The following LONRF3 variants were observed in gnomAD, a reference collection of about 807,000 sequenced individuals.
LONRF3 encodes LON peptidase N-terminal domain and RING finger protein 3.
LONRF3 carries 19 observed loss-of-function variants against 51.7 expected under a neutral mutation model. The observed-to-expected ratio is 0.37, with a 90% CI of 0.26 to 0.54. The LOEUF is 0.54. Ranked by LOEUF, LONRF3 falls within the 20% of genes least tolerant of loss-of-function variation. The pLI is 0.86. For synonymous variants in LONRF3, 265 were observed against 257.8 expected (o/e 1.03, Z -0.27); for missense variants, 521 against 623.9 (o/e 0.84, Z 1.76).
intron 2 of LONRF3, among the ~76,000 whole-genome samples, chrX:118,980,615 T>C (rs1395258524): frequency 1.8e-5 from 2 of 110,981 alleles, no homozygotes; most frequent in African/African-American, 6.6e-5. Flanking sequence ...TGGATTAGTA[T>C]GGTTTTTTTT....
In LONRF3 at chrX:118,979,428, G is replaced by C. The variant is rs937682710; in HGVS notation, c.936+965G>C. On this transcript the variant is annotated intron_variant, in intron 2 of 10. Coordinates refer to ENST00000371628, the MANE Select transcript of LONRF3 (RefSeq NM_001031855.3). The stretch of plus-strand genomic sequence containing the variant: ...CCCACCTTAGCCTCCCGAGTAGCTG[G>C]GATCACAGGCGTGTGCCACCATGCC... 2.7e-5 allele frequency among the ~76,000 whole-genome samples: 3 copies of C among 110,656 alleles called. No individual in the cohort carries two copies. The Admixed American group carries it at 2.9e-4, about 11-fold the overall frequency.
At chrX:119,013,312 C>T (rs554365013) in intron 9 of LONRF3, 111 bp downstream of exon 9, 2 of 774,420 alleles carry the variant, frequency 2.6e-6, no homozygotes, top group Admixed American at 3.7e-5. Context: ...TGGGATTTCA[C>T]ACCAAATTGC....
At position 118,975,406 on chromosome X, in the gene LONRF3, C is replaced by T; in HGVS notation, c.626C>T (p.Ala209Val). The T allele has an allele frequency of 1.7e-6, 2 of 1,199,013 alleles. No homozygotes were observed. Among genetic ancestry groups the T allele is most frequent in the Non-Finnish European group, 2.2e-6 (2 of 889,448 alleles). Residue 209 changes from alanine (A) to valine (V), a missense_variant, in exon 1 of 11, where the codon GCG becomes GTG. Ala to Val is a moderately conservative substitution (Grantham distance 64). Coordinates refer to ENST00000371628, the MANE Select transcript of LONRF3 (RefSeq NM_001031855.3). Reference sequence around the variant, plus strand: ...GCCTTGATGGTGGCCACTGGGCGGGCGCGTGGAGCCCGGCGGGCTGGGCAG... The same window carrying T: ...GCCTTGATGGTGGCCACTGGGCGGGTGCGTGGAGCCCGGCGGGCTGGGCAG... ...LSALMVATGR[A>V]RGARRAGQQP...
At chrX:118,996,485 A>G (rs1923873385) in intron 5 of LONRF3, among the ~76,000 whole-genome samples, 1 of 111,651 alleles carries the variant, frequency 9.0e-6, no homozygotes, top group Admixed American at 9.5e-5. Context: ...TACAAGATTA[A>G]TGTACACAAA....
intron 5 of LONRF3, among the ~76,000 whole-genome samples, chrX:119,004,481 A>G (rs1924567501): frequency 1.8e-5 from 2 of 112,644 alleles, no homozygotes; most frequent in Admixed American, 1.9e-4. Context: ...TTGCCTATGC[A>G]GAGATTAATG....
chrX:118,990,920 C>T (rs748492670), intron 5 of LONRF3, among the ~76,000 whole-genome samples: 124 of 110,868 alleles, frequency 1.1e-3, no homozygotes, highest in Non-Finnish European at 1.5e-3. Flanking sequence ...TGCAGTGGTG[C>T]GATTTCAGCT....
Position 118,975,339 on chromosome X carries a change from G to A in LONRF3, c.559G>A (p.Ala187Thr), listed in dbSNP as rs1398597078. 8.3e-7 allele frequency: 1 copy of A among 1,210,107 alleles called. No individual in the cohort carries two copies. Among genetic ancestry groups the A allele is most frequent in the East Asian group, 3.0e-5 (1 of 33,746 alleles). Residue 187 changes from alanine (A) to threonine (T), a missense_variant, in exon 1 of 11, where the codon GCC becomes ACC. Transcript: ENST00000371628. ...FCKLCLERGR[A>T]ADRRCALCGV... is the part of the protein sequence containing the mutation. ...TAAACTGTGCCTGGAACGTGGGCGG[G>A]CCGCCGACCGGCGCTGTGCGCTGTG... is the stretch of plus-strand genomic sequence containing the variant.
intron 3 of LONRF3, among the ~76,000 whole-genome samples, chrX:118,983,763 T>C (rs772853619): frequency 8.9e-6 from 1 of 111,840 alleles, no homozygotes; most frequent in South Asian, 3.8e-4. Flanking sequence ...TCTGTCCCAG[T>C]GTGGTTTGGC....
rs868036823 is a variant in LONRF3, at chrX:119,006,398, C to T, written c.1530+163C>T. On this transcript the variant is annotated intron_variant, in intron 6 of 10. Coordinates refer to ENST00000371628, the MANE Select transcript of LONRF3 (RefSeq NM_001031855.3). Reference sequence around the variant, plus strand: ...TCAAACCATCTATTTCTCCTGTCTTCTTTTTTTTTTTTTTTTTTTTTGACT... The same window carrying T: ...TCAAACCATCTATTTCTCCTGTCTTTTTTTTTTTTTTTTTTTTTTTTGACT... 5.4e-4 allele frequency among the ~76,000 whole-genome samples: 47 copies of T among 86,720 alleles called. 1 individual carries two copies. Among genetic ancestry groups the T allele is most frequent in the African/African-American group, 2.1e-3 (45 of 21,729 alleles). The allele number at this position is 86,720 out of a possible 115,157, so 75.3% of individuals were successfully genotyped here.
chrX:119,002,163 G>A (rs1924361409), intron 5 of LONRF3, among the ~76,000 whole-genome samples: 1 of 112,235 alleles, frequency 8.9e-6, no homozygotes. Context: ...TTGTAGAGAA[G>A]ATACTTATGT....
At position 118,989,114 on chromosome X, in the gene LONRF3, A is replaced by T. The variant is rs994858721; in HGVS notation, c.1060-294A>T. Among the ~76,000 whole-genome samples the T allele has an allele frequency of 6.3e-5, 7 of 111,030 alleles. No individual in the cohort carries two copies. The Middle Eastern group carries it at 0.014, about 219-fold the overall frequency. ...AGGGGAACTGGTGCCTATCCCTGGC[A>T]TTTCCCCTTTTTACACCTGCCCAAG... On this transcript the variant is annotated intron_variant, in intron 3 of 10. Coordinates refer to ENST00000371628, the MANE Select transcript of LONRF3 (RefSeq NM_001031855.3).
In LONRF3 at chrX:119,007,732, T is replaced by C. The variant is rs187652512; in HGVS notation, c.1531-1394T>C. On this transcript the variant is annotated intron_variant, in intron 6 of 10. Coordinates refer to ENST00000371628, the MANE Select transcript of LONRF3 (RefSeq NM_001031855.3). The stretch of plus-strand genomic sequence containing the variant: ...TCACTGGTAGCCCTGAGGGTATGCG[T>C]TGGGATTGGGAGGAGGGTCAATGTC... Among the ~76,000 whole-genome samples, 5 of 111,362 alleles carry C rather than the reference T, an allele frequency of 4.5e-5. No homozygotes were observed. In the East Asian group the frequency reaches 1.4e-3, roughly 31 times the overall value.
At position 119,017,691 on chromosome X, in the gene LONRF3, T is replaced by G; in HGVS notation, c.*1T>G. 8.5e-7 allele frequency: 1 copy of G among 1,182,040 alleles called. No homozygotes were observed. The highest frequency in any genetic ancestry group is 3.1e-5 in the East Asian group (1 of 32,335). On this transcript the variant is annotated 3_prime_UTR_variant, in exon 11 of 11. Transcript: ENST00000371628. Reference sequence around the variant, plus strand: ...CTTCATATCCCGAAACCAAAACTAGTGAGTGGATTGCCGAAGAGGAGCTCC... The same window carrying G: ...CTTCATATCCCGAAACCAAAACTAGGGAGTGGATTGCCGAAGAGGAGCTCC...
At position 119,012,024 on chromosome X, in the gene LONRF3, T is replaced by C. The variant is rs187903437; in HGVS notation, c.1811+51T>C. 32 of 1,173,970 alleles carry C rather than the reference T, an allele frequency of 2.7e-5. No homozygotes were observed. In the African/African-American group the frequency reaches 3.0e-4, roughly 11 times the overall value. ...GGGAGGTTGTGTAATGAGGGATTTC[T>C]GTTTTACTTTGGGGTACTCCCAGGA... On this transcript the variant is annotated intron_variant, in intron 8 of 10. Transcript: ENST00000371628.
chrX:119,012,861 A>AT (rs745455165), intron 8 of LONRF3, 178 bp from the exon 9 acceptor site: 11 of 1,173,640 alleles, frequency 9.4e-6, no homozygotes, highest in Admixed American at 2.3e-5. Context: ...TACATTACGA[A>AT]TTTTTTTTCT....
At chrX:119,014,467 A>G (rs1216307329) in intron 10 of LONRF3, 111 bp downstream of exon 10, 8 of 723,550 alleles carry the variant, frequency 1.1e-5, no homozygotes, top group Non-Finnish European at 1.6e-5. Context: ...TGCAGAGAGG[A>G]AGATGGATTT....
chrX:118,982,850 C>T lies in LONRF3; in HGVS notation c.966C>T (p.Ala322=), dbSNP rs1218016426. The change falls in exon 3 of 11, where the codon GCC becomes GCT. Residue 322 remains alanine (A), a synonymous_variant. Coordinates refer to ENST00000371628, the MANE Select transcript of LONRF3 (RefSeq NM_001031855.3). ...ATTTCAGAAAAGCCCAAGCCTTAGC[C>T]ACCCTAGGCAAGGTGGAGGAGGCAC... ...KAHFRKAQAL[A]TLGKVEEALR... 1.7e-6 allele frequency: 2 copies of T among 1,211,243 alleles called. No homozygotes were observed. Among genetic ancestry groups the T allele is most frequent in the Non-Finnish European group, 1.1e-6 (1 of 895,051 alleles).
chrX:118,982,509 A>G (rs991765114), intron 2 of LONRF3, among the ~76,000 whole-genome samples: 42 of 111,600 alleles, frequency 3.8e-4, no homozygotes, highest in African/African-American at 1.4e-3. Flanking sequence ...ACTCCGTACA[A>G]TGGTGGGGCA....
chrX:119,013,614 C>G (rs1358311634), intron 9 of LONRF3, among the ~76,000 whole-genome samples: 2 of 111,981 alleles, frequency 1.8e-5, no homozygotes, highest in African/African-American at 6.5e-5. Flanking sequence ...TTTTAAAGTA[C>G]GTAACCTGGC....
Sources: allele counts gnomAD v4.1 joint callset (sites outside exome capture counted in the v4.1 genomes callset), GRCh38; gene constraint gnomAD v4.1.1; transcripts MANE v1.5; gene names NCBI Gene and HGNC (gene_info 2026-07-23, HGNC 2026-07-21).